Variants in TOGARAM1 observed in about 807,000 individuals in gnomAD.
TOGARAM1 encodes the protein TOG array regulator of axonemal microtubules protein 1.
TOGARAM1 carries 100 observed loss-of-function variants against 166.6 expected under a neutral mutation model. The observed-to-expected ratio is 0.60, with a 90% CI of 0.51 to 0.71. The LOEUF is 0.71. TOGARAM1 is among the 30% of genes least tolerant of loss of function. The pLI is 0.00. For synonymous variants in TOGARAM1, 758 were observed against 763.8 expected (o/e 0.99, Z 0.13); for missense variants, 2,029 against 2,102.7 (o/e 0.96, Z 0.69).
Position 45,073,610 on chromosome 14 carries a change from A to G in TOGARAM1, c.*49A>G, listed in dbSNP as rs1227963183. On this transcript the variant is annotated 3_prime_UTR_variant, in exon 20 of 20. Transcript: ENST00000361462. The stretch of plus-strand genomic sequence containing the variant: ...TGAACAAAAGTGTTTACATGATGAC[A>G]AATGGAACTTTCTAAAAGTTATGTT... 1 of 1,539,598 alleles carries G rather than the reference A, an allele frequency of 6.5e-7. No individual in the cohort carries two copies. Among genetic ancestry groups the G allele is most frequent in the East Asian group, 2.3e-5 (1 of 43,918 alleles).
intron 1 of TOGARAM1, among the ~76,000 whole-genome samples, chr14:44,973,618 C>T (rs66488071): frequency 0.11 from 16,143 of 150,694 alleles, 1,234 homozygotes; most frequent in African/African-American, 0.22. Context: ...ATATATATAT[C>T]TCTCTCCAGG....
chr14:45,062,661 CTGTT>C (rs1289851327), intron 16 of TOGARAM1, among the ~76,000 whole-genome samples: 5 of 152,090 alleles, frequency 3.3e-5, no homozygotes, highest in Non-Finnish European at 4.4e-5. Context: ...TACAATCATT[CTGTT>C]TTTCACTTTC....
chr14:45,037,799 G>T (rs188338541), intron 11 of TOGARAM1, among the ~76,000 whole-genome samples: 1 of 151,650 alleles, frequency 6.6e-6, no homozygotes, highest in East Asian at 1.9e-4. Flanking sequence ...AGGCTGAGGC[G>T]GGCGGATCAC....
In TOGARAM1 at chr14:44,963,780, A is replaced by G. The variant is rs1456795971; in HGVS notation, c.1359A>G (p.Gln453=). The G allele has an allele frequency of 6.2e-6, 10 of 1,614,010 alleles. No homozygotes were observed. The highest frequency in any genetic ancestry group is 5.3e-5 in the African/African-American group (4 of 74,942). Residue 453 remains glutamine (Q), a synonymous_variant, in exon 1 of 20, where the codon CAA becomes CAG. Coordinates refer to ENST00000361462, the MANE Select transcript of TOGARAM1 (RefSeq NM_001308120.2). ...CGGACAACAAGTTGGTGATCAAACA[A>G]GAATACATGAAAATCTTCCTCAAGC... ...VLADNKLVIK[Q]EYMKIFLKLM... is the part of the protein sequence containing the mutation.
intron 1 of TOGARAM1, among the ~76,000 whole-genome samples, chr14:44,965,765 T>G (rs548675150): frequency 6.6e-6 from 1 of 152,290 alleles, no homozygotes; most frequent in South Asian, 2.1e-4. Context: ...CAGTGATACT[T>G]TGAGACCCTA....
chr14:44,966,157 A>T (rs1885525981), intron 1 of TOGARAM1, among the ~76,000 whole-genome samples: 1 of 151,244 alleles, frequency 6.6e-6, no homozygotes, highest in Admixed American at 6.6e-5. Flanking sequence ...GAGCCACCAT[A>T]CCCAGCCCAA....
At chr14:45,068,671 T>G (rs1315154293) in intron 18 of TOGARAM1, 28 bp downstream of exon 18, 1 of 1,488,842 alleles carries the variant, frequency 6.7e-7, no homozygotes, top group East Asian at 2.4e-5. Context: ...GGCACTCAAA[T>G]TATTTTCACT....
At chr14:45,019,616 A>C (rs1880374320) in intron 7 of TOGARAM1, among the ~76,000 whole-genome samples, 1 of 152,132 alleles carries the variant, frequency 6.6e-6, no homozygotes. Flanking sequence ...CTGTGCTCTC[A>C]GGCGATAGAT....
rs148894859 is a variant in TOGARAM1 at position 45,071,026 on chromosome 14, A to G, written c.4970-686A>G. ...AACTTCCGACTCCCTGGTTCAAGCGATTCTCCTGCCTCAGCCTCCCAAGTA... is the reference window on the plus strand; with the variant it reads ...AACTTCCGACTCCCTGGTTCAAGCGGTTCTCCTGCCTCAGCCTCCCAAGTA... On this transcript the variant is annotated intron_variant, in intron 18 of 19. Coordinates refer to ENST00000361462, the MANE Select transcript of TOGARAM1 (RefSeq NM_001308120.2). Among the ~76,000 whole-genome samples the G allele has an allele frequency of 3.0e-3, 455 of 152,188 alleles. 7 individuals carry two copies. Among genetic ancestry groups the G allele is most frequent in the African/African-American group, 0.01 (419 of 41,514 alleles).
chr14:44,962,542 A>G lies in TOGARAM1; in HGVS notation c.121A>G (p.Ile41Val), dbSNP rs1484492917. 3 of 1,613,894 alleles carry G rather than the reference A, an allele frequency of 1.9e-6. No homozygotes were observed. Among genetic ancestry groups the G allele is most frequent in the East Asian group, 4.5e-5 (2 of 44,876 alleles). The change falls in exon 1 of 20, where the codon ATT becomes GTT. Residue 41 changes from isoleucine to valine, a missense_variant. Around this residue, in one of 2 missense-constraint regions of TOGARAM1, gnomAD observed 1,453 missense variants for 1,432.2 expected, o/e 1.01. Transcript: ENST00000361462. Reference sequence around the variant, plus strand: ...GACCGATGATAGTCGAGTTGGGGGCATTATGAGAGGAGAGAAAAACTACTA... The same window carrying G: ...GACCGATGATAGTCGAGTTGGGGGCGTTATGAGAGGAGAGAAAAACTACTA... ...PETDDSRVGG[I>V]MRGEKNYYFR...
intron 7 of TOGARAM1, 96 bp from the exon 8 acceptor site, chr14:45,025,687 T>A (rs1880793563): frequency 1.7e-5 from 11 of 639,044 alleles, no homozygotes; most frequent in Non-Finnish European, 2.7e-5. Flanking sequence ...ATGAAATAAA[T>A]TTTCAGTTTT....
rs889014419 is a variant in TOGARAM1 at position 44,963,174 on chromosome 14, G to T, written c.753G>T (p.Leu251=). 2 of 1,614,070 alleles carry T rather than the reference G, an allele frequency of 1.2e-6. No individual in the cohort carries two copies. Among genetic ancestry groups the T allele is most frequent in the Non-Finnish European group, 1.7e-6 (2 of 1,180,040 alleles). ...CTACTGAGGACTTGTTGCTTGGTCT[G>T]GATCTCACCGAGGTGATAATATCCC... ...LLTTEDLLLG[L]DLTEVIISLA... is the part of the protein sequence containing the mutation. The change falls in exon 1 of 20, where the codon CTG becomes CTT. Residue 251 remains leucine (L), a synonymous_variant. Coordinates refer to ENST00000361462, the MANE Select transcript of TOGARAM1 (RefSeq NM_001308120.2).
At chr14:45,002,682 T>C (rs1420572542) in intron 3 of TOGARAM1, among the ~76,000 whole-genome samples, 1 of 152,222 alleles carries the variant, frequency 6.6e-6, no homozygotes, top group Non-Finnish European at 1.5e-5. Flanking sequence ...TCATAAGAAA[T>C]ATTTTTAAAT....
At chr14:44,978,812 A>G (rs1022228816) in intron 1 of TOGARAM1, among the ~76,000 whole-genome samples, 3 of 151,898 alleles carry the variant, frequency 2.0e-5, no homozygotes, top group African/African-American at 7.3e-5. Context: ...AAATTAAAAA[A>G]AAGAGAAAAA....
chr14:44,979,214 C>A (rs998294427), intron 1 of TOGARAM1, among the ~76,000 whole-genome samples: 2 of 151,972 alleles, frequency 1.3e-5, no homozygotes, highest in African/African-American at 4.8e-5. Context: ...GGCAGCTATT[C>A]TTCTTCCTGC....
intron 1 of TOGARAM1, among the ~76,000 whole-genome samples, chr14:44,967,368 C>G (rs112897777): frequency 1.8e-4 from 28 of 152,170 alleles, no homozygotes; most frequent in Non-Finnish European, 2.8e-4. Context: ...CCCCTCCCCC[C>G]ACAAAATTGC....
At chr14:44,970,665 T>C (rs1211295741) in intron 1 of TOGARAM1, among the ~76,000 whole-genome samples, 1 of 152,186 alleles carries the variant, frequency 6.6e-6, no homozygotes, top group Admixed American at 6.5e-5. Context: ...TGATGTTATC[T>C]GTATGCTTTC....
Position 44,965,101 on chromosome 14 carries a change from T to G in TOGARAM1, c.2046+634T>G, listed in dbSNP as rs374895686. Among the ~76,000 whole-genome samples, 7 of 152,184 alleles carry G rather than the reference T, an allele frequency of 4.6e-5. No homozygotes were observed. In the East Asian group the frequency reaches 1.2e-3, roughly 25 times the overall value. On this transcript the variant is annotated intron_variant, in intron 1 of 19. Coordinates refer to ENST00000361462, the MANE Select transcript of TOGARAM1 (RefSeq NM_001308120.2). ...GAATACCCATATACTTCATCTATAT[T>G]TACCAGTTGTAACATCTTGACATAT...
chr14:45,029,915 C>T (rs915267180), intron 10 of TOGARAM1, among the ~76,000 whole-genome samples: 1 of 152,046 alleles, frequency 6.6e-6, no homozygotes, highest in Non-Finnish European at 1.5e-5. Context: ...TCCACCTCTT[C>T]GGTTCAAGCG....
Sources: allele counts gnomAD v4.1 joint callset (sites outside exome capture counted in the v4.1 genomes callset), GRCh38; gene constraint gnomAD v4.1.1; regional missense constraint gnomAD v4.1.1; transcripts MANE v1.5; gene names NCBI Gene and HGNC (gene_info 2026-07-23, HGNC 2026-07-21).